Variants in ERC1 observed in about 807,000 individuals in gnomAD.
ERC1 encodes RAB6 interacting protein 2.
A neutral mutation model predicts 132.0 loss-of-function variants in ERC1; 56 were observed. The ratio of observed to expected loss-of-function variants is 0.42; its 90% CI spans 0.34 to 0.53. ERC1 has a LOEUF of 0.53. Ranked by LOEUF, ERC1 falls within the 20% of genes least tolerant of loss-of-function variation. The pLI is 0.03. For synonymous variants in ERC1, 478 were observed against 476.1 expected, an observed-to-expected ratio of 1.00 and a Z score of -0.05; for missense variants, 1,202 against 1,349.9, an observed-to-expected ratio of 0.89 and a Z score of 1.72.
intron 15 of ERC1, among the ~76,000 whole-genome samples, chr12:1,366,728 G>T (rs2086695092): frequency 6.6e-6 from 1 of 152,136 alleles, no homozygotes; most frequent in Non-Finnish European, 1.5e-5. Flanking sequence ...TAAAAGGGTG[G>T]GAGTGACGTG....
intron 1 of ERC1, among the ~76,000 whole-genome samples, chr12:1,017,897 T>C (rs1424089457): frequency 2.0e-5 from 3 of 152,172 alleles, no homozygotes; most frequent in Non-Finnish European, 2.9e-5. Context: ...TAGAGTTTAA[T>C]AGAGATTTTT....
chr12:1,014,278 C>A (rs1000765880), intron 1 of ERC1, among the ~76,000 whole-genome samples: 1 of 152,016 alleles, frequency 6.6e-6, no homozygotes, highest in African/African-American at 2.4e-5. Flanking sequence ...GGAGTTCAAG[C>A]AATTCTTATG....
At chr12:1,149,610 G>T (rs1950662193) in intron 8 of ERC1, among the ~76,000 whole-genome samples, 1 of 152,052 alleles carries the variant, frequency 6.6e-6, no homozygotes, top group Non-Finnish European at 1.5e-5. Context: ...TGTTGGCCAG[G>T]CTGGTCTCGA....
intron 17 of ERC1, chr12:1,430,384 T>G (rs1222823133): frequency 1.3e-5 from 2 of 151,946 alleles, no homozygotes; most frequent in African/African-American, 4.8e-5. Flanking sequence ...TTTCAGGCTT[T>G]TTTTTTTTTT....
intron 15 of ERC1, among the ~76,000 whole-genome samples, chr12:1,307,882 C>A (rs938582392): frequency 2.6e-5 from 4 of 152,054 alleles, no homozygotes; most frequent in Non-Finnish European, 4.4e-5. Context: ...ATAAAAAGTA[C>A]CAAATGAAAA....
intron 16 of ERC1, among the ~76,000 whole-genome samples, chr12:1,388,900 A>G (rs1172358894): frequency 6.6e-6 from 1 of 152,202 alleles, no homozygotes. Flanking sequence ...TGGTTACACA[A>G]AGTCCACCGC....
intron 3 of ERC1, among the ~76,000 whole-genome samples, chr12:1,093,535 A>G (rs371347802): frequency 6.6e-6 from 1 of 152,220 alleles, no homozygotes; most frequent in Non-Finnish European, 1.5e-5. Flanking sequence ...AACATTGTCT[A>G]TAGGCCAACT....
At chr12:1,211,437 C>A (rs1443242755) in intron 12 of ERC1, among the ~76,000 whole-genome samples, 1 of 151,616 alleles carries the variant, frequency 6.6e-6, no homozygotes, top group Admixed American at 6.6e-5. Flanking sequence ...CGTGAGCCAC[C>A]GTGCCCGGCC....
intron 16 of ERC1, among the ~76,000 whole-genome samples, chr12:1,388,012 G>T (rs6489285): frequency 6.6e-6 from 1 of 151,940 alleles, no homozygotes; most frequent in East Asian, 1.9e-4. Flanking sequence ...GACAGCCTCG[G>T]GGCAGAAGAG....
intron 16 of ERC1, among the ~76,000 whole-genome samples, chr12:1,403,260 G>A: frequency 6.6e-6 from 1 of 151,804 alleles, no homozygotes; most frequent in East Asian, 1.9e-4. Flanking sequence ...ATGTCGTTGG[G>A]ACCAGGGGTT....
chr12:1,266,308 T>C (rs986029362), intron 14 of ERC1, among the ~76,000 whole-genome samples: 1 of 152,008 alleles, frequency 6.6e-6, no homozygotes, highest in Non-Finnish European at 1.5e-5. Flanking sequence ...ATTGCTTTTA[T>C]GTTTATACTT....
At chr12:1,232,693 A>G (rs989880912) in intron 12 of ERC1, among the ~76,000 whole-genome samples, 4 of 151,106 alleles carry the variant, frequency 2.6e-5, no homozygotes, top group Admixed American at 1.3e-4. Flanking sequence ...TGTTTTGTTC[A>G]TGTATTGTTT....
intron 16 of ERC1, among the ~76,000 whole-genome samples, chr12:1,402,053 A>G (rs903623003): frequency 1.3e-5 from 2 of 152,220 alleles, no homozygotes; most frequent in Non-Finnish European, 2.9e-5. Flanking sequence ...ATAGGAAAGT[A>G]TACATTTAAA....
At chr12:1,343,468 A>C (rs2084117453) in intron 15 of ERC1, among the ~76,000 whole-genome samples, 1 of 152,214 alleles carries the variant, frequency 6.6e-6, no homozygotes, top group South Asian at 2.1e-4. Flanking sequence ...TATGAGCTGC[A>C]CCAGGAATAT....
chr12:1,421,085 G>T (rs2092410533), intron 17 of ERC1, among the ~76,000 whole-genome samples: 1 of 152,058 alleles, frequency 6.6e-6, no homozygotes, highest in South Asian at 2.1e-4. Flanking sequence ...TAGCATATCT[G>T]TCACCTCAGA....
In ERC1 at chr12:1,402,614, A is replaced by AACACCACACACAC. The variant is rs762354470; in HGVS notation, c.2926-5531_2926-5530insCACACACACACAC. ...GAAAAAGAATATCTGTGTAACCCCC[A>AACACCACACACAC]ACACACACACACACACACACACACA... On this transcript the variant is annotated intron_variant, in intron 16 of 18. Transcript: ENST00000360905. Among the ~76,000 whole-genome samples the AACACCACACACAC allele has an allele frequency of 5.3e-3, 765 of 144,984 alleles. 7 individuals carry two copies. Among genetic ancestry groups the AACACCACACACAC allele is most frequent in the African/African-American group, 0.019 (736 of 39,172 alleles).
chr12:1,480,444 T>A (rs1565521634), intron 18 of ERC1, among the ~76,000 whole-genome samples: 1 of 152,202 alleles, frequency 6.6e-6, no homozygotes, highest in Non-Finnish European at 1.5e-5. Flanking sequence ...GCCAGTATTT[T>A]TCACTGTAAT....
At chr12:1,375,682 A>G (rs935570231) in intron 16 of ERC1, among the ~76,000 whole-genome samples, 1 of 149,930 alleles carries the variant, frequency 6.7e-6, no homozygotes, top group Non-Finnish European at 1.5e-5. Flanking sequence ...GCCATAGGTG[A>G]CACACAGTAC....
At chr12:1,357,280 G>A (rs918282084) in intron 15 of ERC1, among the ~76,000 whole-genome samples, 3 of 152,190 alleles carry the variant, frequency 2.0e-5, no homozygotes, top group Admixed American at 6.5e-5. Flanking sequence ...TCTAGCAAAC[G>A]TCATGACAAA....
Sources: allele counts gnomAD v4.1 joint callset (sites outside exome capture counted in the v4.1 genomes callset), GRCh38; gene constraint gnomAD v4.1.1; transcripts MANE v1.5; gene names NCBI Gene and HGNC (gene_info 2026-07-23, HGNC 2026-07-21).